The following TRIM38 variants were observed in gnomAD, a reference collection of about 807,000 sequenced individuals.
The protein encoded by TRIM38 is E3 ubiquitin-protein ligase TRIM38.
In TRIM38, 35 loss-of-function variants were observed where a neutral mutation model predicts 35.8. The observed-to-expected ratio is 0.98, with a 90% CI of 0.75 to 1.30. The LOEUF (loss-of-function observed/expected upper bound fraction) is 1.30. Among genes scored for constraint, TRIM38 ranks in the 50% most tolerant of loss-of-function variants. The probability of loss-of-function intolerance (pLI) is 0.00; values close to 1 mark genes in which losing one functional copy is unlikely to be tolerated. For synonymous variants in TRIM38, 198 were observed against 204.7 expected, an observed-to-expected ratio of 0.97 and a Z score of 0.28; for missense variants, 545 against 556.9, an observed-to-expected ratio of 0.98 and a Z score of 0.21.
chr6:25,971,922 G>A lies in TRIM38; in HGVS notation c.561G>A (p.Gln187=). Residue 187 remains glutamine (Q), a synonymous_variant, in exon 5 of 8, where the codon CAG becomes CAA. Transcript: ENST00000357085. ...TCCGGTCTGACTTTAAGAATCTCCAGTGTTTCCTACATGAGGAAGAGAAGT... is the reference window on the plus strand; with the variant it reads ...TCCGGTCTGACTTTAAGAATCTCCAATGTTTCCTACATGAGGAAGAGAAGT... The part of the protein sequence containing the change: ...QKIRSDFKNL[Q]CFLHEEEKSY... 6.2e-7 allele frequency: 1 copy of A among 1,614,158 alleles called. No homozygotes were observed. The highest frequency in any genetic ancestry group is 8.5e-7 in the Non-Finnish European group (1 of 1,180,006).
intron 5 of TRIM38, among the ~76,000 whole-genome samples, chr6:25,972,626 T>G (rs1206925155): frequency 6.6e-6 from 1 of 152,190 alleles, no homozygotes. Context: ...TACCACCATC[T>G]TAGTGGCAGT....
rs1369719616 is a variant in TRIM38 at position 25,987,493 on chromosome 6, G to A, written c.*3806G>A. On this transcript the variant is annotated 3_prime_UTR_variant, in exon 8 of 8. Transcript: ENST00000357085. ...CCATCATGAAGACTCGATCTGCTAG[G>A]ATCTCAACTAAACCTAACTATCACC... The A allele has an allele frequency of 6.6e-6, 1 of 152,074 alleles. No individual in the cohort carries two copies. The highest frequency in any genetic ancestry group is 6.6e-5 in the Admixed American group (1 of 15,262). The allele number at this position is 152,074 out of a possible 1,614,324, so 9.4% of individuals were successfully genotyped here. A position where few individuals can be genotyped will look rare whatever the true frequency, so the allele number is the denominator to read the frequency against.
rs989928664 is a variant in TRIM38 at position 25,991,160 on chromosome 6, T to C, written c.*7473T>C. The stretch of plus-strand genomic sequence containing the variant: ...GACAGGACTATTTTTTACATCTTGA[T>C]GTCACTCCTGAGCACTTGCTTTAAT... On this transcript the variant is annotated 3_prime_UTR_variant, in exon 8 of 8. Coordinates refer to ENST00000357085, the MANE Select transcript of TRIM38 (RefSeq NM_006355.5). 5 of 152,236 alleles carry C rather than the reference T, an allele frequency of 3.3e-5. No homozygotes were observed. Among genetic ancestry groups the C allele is most frequent in the Non-Finnish European group, 5.9e-5 (4 of 68,048 alleles). The allele number at this position is 152,236 out of a possible 1,614,324, so 9.4% of individuals were successfully genotyped here.
At chr6:25,965,038 C>T (rs1759977752) in intron 2 of TRIM38, among the ~76,000 whole-genome samples, 1 of 152,156 alleles carries the variant, frequency 6.6e-6, no homozygotes, top group South Asian at 2.1e-4. Context: ...GTCTCAAACT[C>T]CTGACCTCAG....
At chr6:25,969,514 T>G in intron 4 of TRIM38, 94 bp downstream of exon 4, 1 of 1,012,986 alleles carries the variant, frequency 9.9e-7, no homozygotes, top group Non-Finnish European at 1.4e-6. Context: ...GGATTTATTC[T>G]CACTAAACCA....
intron 7 of TRIM38, chr6:25,973,787 T>C: frequency 1.0e-6 from 1 of 985,416 alleles, no homozygotes; most frequent in Non-Finnish European, 1.2e-6. Flanking sequence ...TTGACTTAGA[T>C]AACACAGATG....
chr6:25,967,027 C>T (rs1012329204), intron 3 of TRIM38, 94 bp downstream of exon 3: 1 of 1,293,654 alleles, frequency 7.7e-7, no homozygotes, highest in African/African-American at 1.5e-5. Context: ...AACATTATGA[C>T]TTGGAAATAC....
intron 2 of TRIM38, among the ~76,000 whole-genome samples, chr6:25,965,587 C>T (rs1759999763): frequency 6.6e-6 from 1 of 151,974 alleles, no homozygotes; most frequent in African/African-American, 2.4e-5. Flanking sequence ...ATGCCACTGC[C>T]CTCCACTACA....
rs1233645491 is a variant in TRIM38, at chr6:25,983,307, G to A, written c.1018G>A (p.Glu340Lys). Residue 340 changes from glutamate (E) to lysine (K), a missense_variant, in exon 8 of 8, where the codon GAA (glutamate) becomes AAA (lysine). Transcript: ENST00000357085. ...TGCCTTCCCCTGTGTCTTGGGTTGT[G>A]AAGGCTTCACCTCAGGAAGACGTTA... The part of the protein sequence containing the change: ...FTAFPCVLGC[E>K]GFTSGRRYFE... The A allele has an allele frequency of 6.2e-7, 1 of 1,614,156 alleles. No homozygotes were observed. Among genetic ancestry groups the A allele is most frequent in the East Asian group, 2.2e-5 (1 of 44,880 alleles).
chr6:25,981,831 G>A (rs1052138183), intron 7 of TRIM38, among the ~76,000 whole-genome samples: 2 of 152,200 alleles, frequency 1.3e-5, no homozygotes, highest in African/African-American at 2.4e-5. Flanking sequence ...CTGCTCAACT[G>A]TCTCATGATT....
Position 25,966,844 on chromosome 6 carries a change from G to A in TRIM38, c.322G>A (p.Gly108Arg), listed in dbSNP as rs750573603. The A allele has an allele frequency of 1.1e-5, 18 of 1,614,156 alleles. No individual in the cohort carries two copies. Among genetic ancestry groups the A allele is most frequent in the Non-Finnish European group, 1.5e-5 (18 of 1,180,028 alleles). Residue 108 changes from glycine to arginine, a missense_variant, in exon 3 of 8, where the codon GGG becomes AGG. Gly to Arg is a moderately radical substitution (Grantham distance 125, BLOSUM62 -2). Coordinates refer to ENST00000357085, the MANE Select transcript of TRIM38 (RefSeq NM_006355.5). Reference sequence around the variant, plus strand: ...GTTCCACCTGTTCTGCGAAGACGAGGGGCAGCTCATCTGCTGGCGCTGTGA... The same window carrying A: ...GTTCCACCTGTTCTGCGAAGACGAGAGGCAGCTCATCTGCTGGCGCTGTGA... ...EQFHLFCEDE[G>R]QLICWRCERA...
In TRIM38 at chr6:25,983,343, G is replaced by A. The variant is rs898995559; in HGVS notation, c.1054G>A (p.Asp352Asn). ...FTSGRRYFEV[D>N]VGEGTGWDLG... Reference sequence around the variant, plus strand: ...CTCAGGAAGACGTTACTTTGAAGTGGATGTTGGCGAAGGAACCGGATGGGA... The same window carrying A: ...CTCAGGAAGACGTTACTTTGAAGTGAATGTTGGCGAAGGAACCGGATGGGA... Residue 352 changes from aspartate to asparagine, a missense_variant, in exon 8 of 8, where the codon GAT (aspartate) becomes AAT (asparagine). By Grantham distance (23) the Asp-to-Asn change is conservative. Coordinates refer to ENST00000357085, the MANE Select transcript of TRIM38 (RefSeq NM_006355.5). 4 of 1,614,020 alleles carry A rather than the reference G, an allele frequency of 2.5e-6. No individual in the cohort carries two copies. The East Asian group carries it at 8.9e-5, about 36-fold the overall frequency.
chr6:25,971,838 C>G, intron 4 of TRIM38, 31 bp from the exon 5 acceptor site: 1 of 1,584,262 alleles, frequency 6.3e-7, no homozygotes, highest in Admixed American at 1.7e-5. Flanking sequence ...TGGTTTACTT[C>G]CACCTTTTGA....
chr6:25,966,190 C>T (rs894847777), intron 2 of TRIM38, 145 bp from the exon 3 acceptor site: 16 of 225,066 alleles, frequency 7.1e-5, no homozygotes, highest in Non-Finnish European at 1.3e-4. Context: ...TGGCAAACAA[C>T]TTTAAAACTG....
chr6:25,978,034 T>TAC lies in TRIM38; in HGVS notation c.874+4759_874+4760dup, dbSNP rs570903746. Among the ~76,000 whole-genome samples the TAC allele has an allele frequency of 3.9e-3, 596 of 152,140 alleles. 4 individuals carry two copies. The highest frequency in any genetic ancestry group is 0.012 in the African/African-American group (517 of 41,514). On this transcript the variant is annotated intron_variant, in intron 7 of 7. Transcript: ENST00000357085. ...CACCAGTGTCTTCATAATATATATA[T>TAC]ACACACACACATATATATATAGTAT...
At chr6:25,982,149 G>A (rs1760562381) in intron 7 of TRIM38, among the ~76,000 whole-genome samples, 1 of 152,150 alleles carries the variant, frequency 6.6e-6, no homozygotes, top group Admixed American at 6.5e-5. Context: ...AAAACCCCTT[G>A]TGGCTTGGAT....
At chr6:25,972,229 C>G (rs1760258778) in intron 5 of TRIM38, 130 bp downstream of exon 5, 2 of 807,436 alleles carry the variant, frequency 2.5e-6, no homozygotes, top group East Asian at 5.4e-5. Context: ...GGCTGGCCTT[C>G]ACTAATTTAT....
At chr6:25,979,677 T>G (rs1017163903) in intron 7 of TRIM38, among the ~76,000 whole-genome samples, 3 of 151,854 alleles carry the variant, frequency 2.0e-5, no homozygotes, top group African/African-American at 4.8e-5. Context: ...TATTGCATTC[T>G]TGTTTTCTTT....
intron 7 of TRIM38, among the ~76,000 whole-genome samples, chr6:25,980,201 G>A (rs979317409): frequency 2.6e-5 from 4 of 152,030 alleles, no homozygotes; most frequent in Non-Finnish European, 4.4e-5. Context: ...CAGACCTTCC[G>A]TATCTTCCCT....
Sources: allele counts gnomAD v4.1 joint callset (sites outside exome capture counted in the v4.1 genomes callset), GRCh38; gene constraint gnomAD v4.1.1; transcripts MANE v1.5; gene names NCBI Gene and HGNC (gene_info 2026-07-23, HGNC 2026-07-21).